Variants in SBK1 observed in about 807,000 individuals in gnomAD.
SBK1 encodes the protein serine/threonine-protein kinase SBK1.
SBK1 carries 11 observed loss-of-function variants against 24.4 expected under a neutral mutation model. The observed-to-expected ratio is 0.45, with a 90% CI of 0.28 to 0.75. The LOEUF (loss-of-function observed/expected upper bound fraction) is 0.75. Ranked by LOEUF, SBK1 falls within the 30% of genes least tolerant of loss-of-function variation. SBK1 has a pLI of 0.12. For synonymous variants in SBK1, 308 were observed against 284.4 expected, an observed-to-expected ratio of 1.08 and a Z score of -0.83; for missense variants, 467 against 620.5, an observed-to-expected ratio of 0.75 and a Z score of 2.63.
intron 1 of SBK1, among the ~76,000 whole-genome samples, chr16:28,300,715 A>G (rs1385232657): frequency 6.6e-6 from 1 of 152,248 alleles, no homozygotes; most frequent in African/African-American, 2.4e-5. Flanking sequence ...TGAAGTTGAA[A>G]TGAGTCAATA....
At chr16:28,296,866 C>T (rs1255812569) in intron 1 of SBK1, among the ~76,000 whole-genome samples, 1 of 152,192 alleles carries the variant, frequency 6.6e-6, no homozygotes, top group African/African-American at 2.4e-5. Flanking sequence ...GCTCAGGACT[C>T]TTGGGGCAGG....
Position 28,322,974 on chromosome 16 carries a change from CTCTCTCCT to C in SBK1, c.*2054_*2061del, listed in dbSNP as rs2044869036. Reference sequence around the variant, plus strand: ...TCTCTCTCTCTCTCTCTCTCTCTCTCTCTCTCCTCTCTTTCTCTCTCTCCCTCTCTCTG... The same window carrying C: ...TCTCTCTCTCTCTCTCTCTCTCTCTCCTCTTTCTCTCTCTCCCTCTCTCTG... On this transcript the variant is annotated 3_prime_UTR_variant, in exon 4 of 4. Transcript: ENST00000341901. 7.7e-6 allele frequency: 1 copy of C among 129,510 alleles called. No homozygotes were observed. Among genetic ancestry groups the C allele is most frequent in the Non-Finnish European group, 1.7e-5 (1 of 60,320 alleles). The allele number at this position is 129,510 out of a possible 1,614,324, so 8.0% of individuals were successfully genotyped here. A position where few individuals can be genotyped will look rare whatever the true frequency, so the allele number is the denominator to read the frequency against.
intron 1 of SBK1, among the ~76,000 whole-genome samples, chr16:28,271,285 A>G (rs1253631642): frequency 6.6e-6 from 1 of 152,158 alleles, no homozygotes; most frequent in Non-Finnish European, 1.5e-5. Context: ...GGCCAGGAGT[A>G]GTGGCTCACA....
chr16:28,312,367 G>A (rs1362396567), intron 1 of SBK1, among the ~76,000 whole-genome samples: 1 of 152,214 alleles, frequency 6.6e-6, no homozygotes, highest in Non-Finnish European at 1.5e-5. Context: ...ACATTTCACA[G>A]GGGTTGGAAG....
rs747820176 is a variant in SBK1, at chr16:28,317,472, C to T, written c.81C>T (p.Ala27=). The part of the protein sequence containing the change: ...CGPGTAPGPG[A]GVPLLTEDMQ... Reference sequence around the variant, plus strand: ...CGGGGACTGCCCCTGGGCCTGGTGCCGGTGTGCCCCTTCTCACTGAAGACA... The same window carrying T: ...CGGGGACTGCCCCTGGGCCTGGTGCTGGTGTGCCCCTTCTCACTGAAGACA... The change falls in exon 2 of 4, where the codon GCC becomes GCT. Residue 27 remains alanine (A), a synonymous_variant. Coordinates refer to ENST00000341901, the MANE Select transcript of SBK1 (RefSeq NM_001024401.3). The surrounding 1 kb of genome is among the most constrained non-coding windows in gnomAD (Gnocchi z 4.2). 2.8e-5 allele frequency: 45 copies of T among 1,614,050 alleles called. No homozygotes were observed. Among genetic ancestry groups the T allele is most frequent in the Admixed American group, 1.5e-4 (9 of 59,996 alleles).
upstream of SBK1, among the ~76,000 whole-genome samples, chr16:28,289,968 C>G (rs2141573543): frequency 6.6e-6 from 1 of 151,924 alleles, no homozygotes; most frequent in South Asian, 2.1e-4. Context: ...CACCTGTAGT[C>G]CTAGTTACTT....
At chr16:28,269,204 T>C (rs1169423925) in intron 1 of SBK1, among the ~76,000 whole-genome samples, 1 of 151,632 alleles carries the variant, frequency 6.6e-6, no homozygotes, top group Non-Finnish European at 1.5e-5. Context: ...TGGCTCACTT[T>C]TGTATTTTTT....
chr16:28,279,112 C>T (rs572032785), intron 1 of SBK1, among the ~76,000 whole-genome samples: 5 of 150,792 alleles, frequency 3.3e-5, no homozygotes, highest in African/African-American at 1.2e-4. Context: ...GAGGCTGAGG[C>T]AGGAGAATCA....
At chr16:28,279,303 G>A (rs1342349374) in intron 1 of SBK1, among the ~76,000 whole-genome samples, 1 of 151,702 alleles carries the variant, frequency 6.6e-6, no homozygotes, top group East Asian at 1.9e-4. Context: ...GGAGTCTGAG[G>A]TGGGAGGATC....
At chr16:28,288,206 CTGCCTGT>C (rs1310652573), upstream of SBK1, among the ~76,000 whole-genome samples, 2 of 152,186 alleles carry the variant, frequency 1.3e-5, no homozygotes, top group African/African-American at 2.4e-5. Flanking sequence ...TGATCCAAAG[CTGCCTGT>C]TCGAGGAGTC....
At chr16:28,308,740 G>GGGGTGTGTGT (rs1555538285) in intron 1 of SBK1, among the ~76,000 whole-genome samples, 5 of 130,606 alleles carry the variant, frequency 3.8e-5, no homozygotes, top group African/African-American at 8.7e-5. Context: ...CGTTCTTTGG[G>GGGGTGTGTGT]GTGTGTGTGT....
rs184213318 is a variant in SBK1, at chr16:28,277,144, A to G, written c.257+17642A>G. Reference sequence around the variant, plus strand: ...AGGGGCTTGCAGAGGAGAGGGTCGAAGGGGACGGGAGGAGGTCAGGGAGCT... The same window carrying G: ...AGGGGCTTGCAGAGGAGAGGGTCGAGGGGGACGGGAGGAGGTCAGGGAGCT... On this transcript the variant is annotated intron_variant, in intron 1 of 3. Transcript: ENST00000671413. Among the ~76,000 whole-genome samples the G allele has an allele frequency of 3.1e-3, 476 of 151,964 alleles. 2 individuals are homozygous for G. Among genetic ancestry groups the G allele is most frequent in the Middle Eastern group, 6.8e-3 (2 of 294 alleles).
rs1450595885 is a variant in SBK1 at position 28,321,076 on chromosome 16, G to A, written c.*155G>A. The A allele has an allele frequency of 1.3e-5, 9 of 677,574 alleles. No individual in the cohort carries two copies. Among genetic ancestry groups the A allele is most frequent in the Admixed American group, 4.8e-5 (1 of 20,894 alleles). The allele number at this position is 677,574 out of a possible 1,614,324, so 42.0% of individuals were successfully genotyped here. On this transcript the variant is annotated 3_prime_UTR_variant, in exon 4 of 4. Transcript: ENST00000341901. ...GCCCGGCACCTGGTCCGTCCCCGGCGGGCTGGTGAGGGGGCCACCAAAGAC... is the reference window on the plus strand; with the variant it reads ...GCCCGGCACCTGGTCCGTCCCCGGCAGGCTGGTGAGGGGGCCACCAAAGAC...
rs11462703 is a variant in SBK1, at chr16:28,314,324, CTT to C, written c.-7-3041_-7-3040del. On this transcript the variant is annotated intron_variant, in intron 1 of 3. Transcript: ENST00000341901. Reference sequence around the variant, plus strand: ...GGTGTGCACCACCACACCCAGCTAACTTTTTTTTTTTTTTTTTTTTTGTGGAG... The same window carrying C: ...GGTGTGCACCACCACACCCAGCTAACTTTTTTTTTTTTTTTTTTTGTGGAG... Among the ~76,000 whole-genome samples the C allele has an allele frequency of 5.7e-4, 54 of 94,470 alleles. 1 individual carries two copies. Among genetic ancestry groups the C allele is most frequent in the Middle Eastern group, 6.0e-3 (1 of 168 alleles). The allele number at this position is 94,470 out of a possible 152,430, so 62.0% of individuals were successfully genotyped here.
chr16:28,291,350 A>G (rs1189448085), upstream of SBK1: 1 of 151,312 alleles, frequency 6.6e-6, no homozygotes, highest in Non-Finnish European at 1.5e-5. Context: ...CACACCAGGG[A>G]CTGTTGTGGG....
At position 28,321,377 on chromosome 16, in the gene SBK1, T is replaced by TCCCATTCTGCCCCCTCCCCAC. The variant is rs2044847147; in HGVS notation, c.*459_*479dup. 2 of 153,128 alleles carry TCCCATTCTGCCCCCTCCCCAC rather than the reference T, an allele frequency of 1.3e-5. No homozygotes were observed. Among genetic ancestry groups the TCCCATTCTGCCCCCTCCCCAC allele is most frequent in the African/African-American group, 4.8e-5 (2 of 41,342 alleles). 9.5% of individuals were successfully genotyped at this position (153,128 alleles called of 1,614,324 possible). A position where few individuals can be genotyped will look rare whatever the true frequency, so the allele number is the denominator to read the frequency against. ...ACCCCAGATCCCCTCCTCCTCGCCATCCCATTCTGCCCCCTCCCCACCCTG... is the reference window on the plus strand; with the variant it reads ...ACCCCAGATCCCCTCCTCCTCGCCATCCCATTCTGCCCCCTCCCCACCCCATTCTGCCCCCTCCCCACCCTG... On this transcript the variant is annotated 3_prime_UTR_variant, in exon 4 of 4. Coordinates refer to ENST00000341901, the MANE Select transcript of SBK1 (RefSeq NM_001024401.3).
At chr16:28,306,105 G>A (rs1477817412) in intron 1 of SBK1, among the ~76,000 whole-genome samples, 2 of 152,024 alleles carry the variant, frequency 1.3e-5, no homozygotes, top group African/African-American at 4.8e-5. Context: ...GTTCAGAGAT[G>A]AACAAGTAAC....
intron 1 of SBK1, among the ~76,000 whole-genome samples, chr16:28,310,380 G>A (rs1047298396): frequency 2.6e-5 from 4 of 152,198 alleles, no homozygotes; most frequent in East Asian, 1.9e-4. Flanking sequence ...TTTGAGGGTC[G>A]AGTTCCCACT....
chr16:28,261,608 C>A (rs532497803), intron 1 of SBK1, among the ~76,000 whole-genome samples: 34 of 152,154 alleles, frequency 2.2e-4, no homozygotes, highest in Non-Finnish European at 2.6e-4. Context: ...CCAGCCTAGG[C>A]GACAGAGTGA....
Sources: allele counts gnomAD v4.1 joint callset (sites outside exome capture counted in the v4.1 genomes callset), GRCh38; gene constraint gnomAD v4.1.1; non-coding constraint Gnocchi (gnomAD v3.1); transcripts MANE v1.5; gene names NCBI Gene and HGNC (gene_info 2026-07-23, HGNC 2026-07-21).